POMGNT2: variants seen among roughly 807,000 people sequenced by gnomAD.
POMGNT2 encodes protein O-linked mannose N-acetylglucosaminyltransferase 2 (beta 1,4-).
Under a neutral mutation model 37.8 loss-of-function variants are expected in POMGNT2, and 32 were observed. The ratio of observed to expected loss-of-function variants is 0.85; its 90% CI spans 0.64 to 1.14. The LOEUF (loss-of-function observed/expected upper bound fraction) is 1.14, where lower values mean the gene tolerates loss of function less well. Among genes scored for constraint, POMGNT2 ranks in the 50% most tolerant of loss-of-function variants. POMGNT2 has a pLI of 0.00. For synonymous variants in POMGNT2, 340 were observed against 336.8 expected, an observed-to-expected ratio of 1.01 and a Z score of -0.10; for missense variants, 705 against 780.6, an observed-to-expected ratio of 0.90 and a Z score of 1.15.
intron 1 of POMGNT2, among the ~76,000 whole-genome samples, chr3:43,101,612 A>T (rs948866487): frequency 7.9e-5 from 12 of 152,170 alleles, no homozygotes; most frequent in Admixed American, 6.5e-5. Flanking sequence ...CTTCCAGGTG[A>T]TTCTTGCGTG....
intron 1 of POMGNT2, among the ~76,000 whole-genome samples, chr3:43,093,323 C>G (rs974929328): frequency 6.6e-6 from 1 of 152,288 alleles, no homozygotes; most frequent in East Asian, 1.9e-4. Flanking sequence ...GACTGGAGGA[C>G]GTGGGGGCTG....
At position 43,079,866 on chromosome 3, in the gene POMGNT2, G is replaced by T; in HGVS notation, c.1566C>A (p.Tyr522Ter). Residue 522 changes from tyrosine to a stop codon, truncating the protein, a stop_gained, in exon 2 of 2, where the codon TAC becomes TAA. Transcript: ENST00000344697. LOFTEE classifies it high-confidence loss of function. ...CCCCCTGCTCCTGCAGCCACACCTC[G>T]TACTTCACCTCCCTCACCTTCAGGT... ...LKYLKVREVK[Y>*]EVWLQEQGEN... 1 of 1,614,176 alleles carries T rather than the reference G, an allele frequency of 6.2e-7. No individual in the cohort carries two copies. The highest frequency in any genetic ancestry group is 1.1e-5 in the South Asian group (1 of 91,084).
chr3:43,104,680 G>C (rs1308984816), intron 1 of POMGNT2, among the ~76,000 whole-genome samples: 1 of 152,180 alleles, frequency 6.6e-6, no homozygotes, highest in African/African-American at 2.4e-5. Context: ...GAGCCAGAGA[G>C]GGCAGCTAGT....
chr3:43,080,087 C>A lies in POMGNT2; in HGVS notation c.1345G>T (p.Asp449Tyr). 6.2e-7 allele frequency: 1 copy of A among 1,613,846 alleles called. No homozygotes were observed. Among genetic ancestry groups the A allele is most frequent in the Non-Finnish European group, 8.5e-7 (1 of 1,179,996 alleles). The change falls in exon 2 of 2, where the codon GAC becomes TAC. Residue 449 changes from aspartate to tyrosine, a missense_variant. Coordinates refer to ENST00000344697, the MANE Select transcript of POMGNT2 (RefSeq NM_032806.6). The part of the protein sequence containing the change: ...NPEWLFRIYQ[D>Y]TKVDIPSLIQ... The stretch of plus-strand genomic sequence containing the variant: ...AGGGACGGGATGTCCACCTTGGTGT[C>A]CTGGTAGATTCGGAAGAGCCACTCG...
chr3:43,089,549 G>C (rs1442676725), intron 1 of POMGNT2, among the ~76,000 whole-genome samples: 3 of 152,150 alleles, frequency 2.0e-5, no homozygotes, highest in African/African-American at 7.2e-5. Context: ...TTCTCTGGGA[G>C]AACAGAGGTA....
At chr3:43,104,955 G>A (rs183934878) in intron 1 of POMGNT2, among the ~76,000 whole-genome samples, 6 of 152,288 alleles carry the variant, frequency 3.9e-5, no homozygotes, top group Admixed American at 2.0e-4. Context: ...TTTGAAGGCG[G>A]GGCACATATT....
At position 43,085,207 on chromosome 3, in the gene POMGNT2, C is replaced by T. The variant is rs139971186; in HGVS notation, c.-105-3671G>A. 9.7e-3 allele frequency among the ~76,000 whole-genome samples: 1,481 copies of T among 152,218 alleles called. 26 individuals carry two copies. The highest frequency in any genetic ancestry group is 0.034 in the African/African-American group (1,400 of 41,542). On this transcript the variant is annotated intron_variant, in intron 1 of 1. Coordinates refer to ENST00000344697, the MANE Select transcript of POMGNT2 (RefSeq NM_032806.6). Reference sequence around the variant, plus strand: ...CCAAGAGGACTATGGTAGTGAAGGACGTATGTTACTACTAGGCGGTCGTGA... The same window carrying T: ...CCAAGAGGACTATGGTAGTGAAGGATGTATGTTACTACTAGGCGGTCGTGA...
Position 43,080,761 on chromosome 3 carries a change from C to G in POMGNT2, c.671G>C (p.Gly224Ala). ...PLLRAQLKTL[G>A]RLLCFSHAFV... ...AGCATGGGAGAAGCACAGCAGCCGG[C>G]CCAGGGTCTTCAGCTGTGCCCGCAG... Residue 224 changes from glycine (G) to alanine (A), a missense_variant, in exon 2 of 2, where the codon GGC becomes GCC. Transcript: ENST00000344697. 1.9e-6 allele frequency: 3 copies of G among 1,614,106 alleles called. No homozygotes were observed. The highest frequency in any genetic ancestry group is 2.5e-6 in the Non-Finnish European group (3 of 1,180,032).
chr3:43,086,858 T>G (rs1371270751), intron 1 of POMGNT2, among the ~76,000 whole-genome samples: 1 of 152,228 alleles, frequency 6.6e-6, no homozygotes, highest in African/African-American at 2.4e-5. Flanking sequence ...CAGGCAATCA[T>G]GTCTACCCAG....
Position 43,079,877 on chromosome 3 carries a change from C to T in POMGNT2, c.1555G>A (p.Glu519Lys), listed in dbSNP as rs747691921. 8.1e-6 allele frequency: 13 copies of T among 1,614,056 alleles called. No homozygotes were observed. The highest frequency in any genetic ancestry group is 9.3e-6 in the Non-Finnish European group (11 of 1,180,024). ...TGCAGCCACACCTCGTACTTCACCT[C>T]CCTCACCTTCAGGTATTTAAGGTTC... is the stretch of plus-strand genomic sequence containing the variant. ...PWNLKYLKVR[E>K]VKYEVWLQEQ... is the part of the protein sequence containing the mutation. The change falls in exon 2 of 2, where the codon GAG (glutamate) becomes AAG (lysine). Residue 519 changes from glutamate to lysine, a missense_variant. Glu to Lys is a moderately conservative substitution (Grantham distance 56). Coordinates refer to ENST00000344697, the MANE Select transcript of POMGNT2 (RefSeq NM_032806.6).
intron 1 of POMGNT2, among the ~76,000 whole-genome samples, chr3:43,096,552 A>C (rs2089981185): frequency 6.6e-6 from 1 of 152,166 alleles, no homozygotes; most frequent in African/African-American, 2.4e-5. Context: ...CATGGATTCT[A>C]AGCACTGTCT....
rs1347121339 is a variant in POMGNT2 at position 43,079,513 on chromosome 3, TTA to T, written c.*174_*175del. On this transcript the variant is annotated 3_prime_UTR_variant, in exon 2 of 2. Transcript: ENST00000344697. The stretch of plus-strand genomic sequence containing the variant: ...ATGGGAGAAGGGGAAGTCAGGTCCC[TTA>T]TCTCTAGGGCAAAGAGGAGTGCTGT... The T allele has an allele frequency of 1.7e-6, 1 of 596,420 alleles. No individual in the cohort carries two copies. Among genetic ancestry groups the T allele is most frequent in the Non-Finnish European group, 2.9e-6 (1 of 347,870 alleles). The allele number at this position is 596,420 out of a possible 1,614,324, so 36.9% of individuals were successfully genotyped here.
chr3:43,098,938 C>G lies in POMGNT2; in HGVS notation c.-106+6898G>C, dbSNP rs1327383171. 6.6e-6 allele frequency among the ~76,000 whole-genome samples: 1 copy of G among 152,194 alleles called. No homozygotes were observed. The highest frequency in any genetic ancestry group is 1.9e-4 in the East Asian group (1 of 5,204). On this transcript the variant is annotated intron_variant, in intron 1 of 1. Coordinates refer to ENST00000344697, the MANE Select transcript of POMGNT2 (RefSeq NM_032806.6). This position sits in a 1 kb window ranked among gnomAD's most constrained non-coding sequence, Gnocchi z 4.3. ...CTTGCCACACAGCCTGCCGTGTCAT[C>G]TGGCTTTTGCTTAGCACAAATGGGT...
chr3:43,106,048 C>T lies in POMGNT2; in HGVS notation c.-318G>A, dbSNP rs1325846690. 1 of 151,660 alleles carries T rather than the reference C, an allele frequency of 6.6e-6. No individual in the cohort carries two copies. Among genetic ancestry groups the T allele is most frequent in the Non-Finnish European group, 1.5e-5 (1 of 67,872 alleles). 9.4% of individuals were successfully genotyped at this position (151,660 alleles called of 1,614,324 possible). On this transcript the variant is annotated 5_prime_UTR_variant, in exon 1 of 2. Coordinates refer to ENST00000344697, the MANE Select transcript of POMGNT2 (RefSeq NM_032806.6). The stretch of plus-strand genomic sequence containing the variant: ...CTCGCAGGTGTCCGCCGTGCGCCTG[C>T]CCGGCGGGCGAGCCCGGCGCGGAGC...
Position 43,081,485 on chromosome 3 carries a change from G to A in POMGNT2, c.-54C>T. ...ATGACGGCCACTGGGAAGCACCACA[G>A]GCCAGGCAGGCTTCACCCATCCCTA... On this transcript the variant is annotated 5_prime_UTR_variant, in exon 2 of 2. Transcript: ENST00000344697. The A allele has an allele frequency of 7.1e-7, 1 of 1,410,372 alleles. No homozygotes were observed. The highest frequency in any genetic ancestry group is 9.4e-7 in the Non-Finnish European group (1 of 1,058,664). The allele number at this position is 1,410,372 out of a possible 1,614,324, so 87.4% of individuals were successfully genotyped here.
intron 1 of POMGNT2, among the ~76,000 whole-genome samples, chr3:43,097,880 GC>G (rs1392668011): frequency 6.6e-6 from 1 of 152,176 alleles, no homozygotes; most frequent in Non-Finnish European, 1.5e-5. Flanking sequence ...AAAAACGGAT[GC>G]TCATTTGCAA....
At chr3:43,102,377 C>T (rs1298125953) in intron 1 of POMGNT2, among the ~76,000 whole-genome samples, 2 of 152,220 alleles carry the variant, frequency 1.3e-5, no homozygotes, top group East Asian at 3.8e-4. Flanking sequence ...AAATTTGTAG[C>T]ATAAGCTTGT....
chr3:43,100,053 TC>T (rs768602888), intron 1 of POMGNT2, among the ~76,000 whole-genome samples: 3 of 152,178 alleles, frequency 2.0e-5, no homozygotes, highest in Non-Finnish European at 4.4e-5. Context: ...CTTCTTTTTA[TC>T]TGGAAATAAT....
At chr3:43,097,911 C>T (rs1461140041) in intron 1 of POMGNT2, among the ~76,000 whole-genome samples, 2 of 152,192 alleles carry the variant, frequency 1.3e-5, no homozygotes, top group Admixed American at 6.5e-5. Flanking sequence ...TAAAGCAAAT[C>T]CCCTGTCCTG....
Sources: allele counts gnomAD v4.1 joint callset (sites outside exome capture counted in the v4.1 genomes callset), GRCh38; gene constraint gnomAD v4.1.1; non-coding constraint Gnocchi (gnomAD v3.1); transcripts MANE v1.5; gene names NCBI Gene and HGNC (gene_info 2026-07-23, HGNC 2026-07-21).